Variants in PER2 observed in about 807,000 individuals in gnomAD.
The protein encoded by PER2 is period circadian regulator 2.
Under a neutral mutation model 121.0 loss-of-function variants are expected in PER2, and 66 were observed. The observed-to-expected ratio is 0.55, with a 90% CI of 0.45 to 0.67. The LOEUF (loss-of-function observed/expected upper bound fraction) is 0.67, where lower values mean the gene tolerates loss of function less well. PER2 is among the 30% of genes least tolerant of loss of function. The pLI is 0.00. For missense variants in PER2, 1,521 were observed against 1,635.0 expected (o/e 0.93, Z 1.20); for synonymous variants, 684 against 659.9 (o/e 1.04, Z -0.56).
In PER2 at chr2:238,268,159, G is replaced by A. The variant is rs199917831; in HGVS notation, c.864C>T (p.Pro288=). 7.3e-5 allele frequency: 118 copies of A among 1,614,098 alleles called. 1 individual carries two copies. In the East Asian group the frequency reaches 2.6e-3, roughly 36 times the overall value. Residue 288 remains proline (P), a synonymous_variant, in exon 8 of 23, where the codon CCC becomes CCT. Coordinates refer to ENST00000254657, the MANE Select transcript of PER2 (RefSeq NM_022817.3). The surrounding 1 kb of genome is among the most constrained non-coding windows in gnomAD (Gnocchi z 4.0). The part of the protein sequence containing the change: ...KSHENEIRYH[P]FRMTPYLVKV... The stretch of plus-strand genomic sequence containing the variant: ...TGACCAGGTAGGGCGTCATGCGGAA[G>A]GGGTGGTAGCGGATTTCATTCTCGT...
intron 8 of PER2, 139 bp from the exon 9 acceptor site, chr2:238,265,729 AAC>A: frequency 1.5e-6 from 1 of 656,372 alleles, no homozygotes; most frequent in Non-Finnish European, 2.8e-6. Context: ...GACTCTGAAC[AAC>A]AGAGACTGCC....
At chr2:238,278,660 T>G (rs1457363920) in intron 1 of PER2, among the ~76,000 whole-genome samples, 2 of 152,174 alleles carry the variant, frequency 1.3e-5, no homozygotes, top group Non-Finnish European at 2.9e-5. Context: ...TCAGAAATCT[T>G]GGCCATTACA....
At chr2:238,284,582 C>T (rs1450040934) in intron 1 of PER2, among the ~76,000 whole-genome samples, 1 of 152,172 alleles carries the variant, frequency 6.6e-6, no homozygotes, top group Non-Finnish European at 1.5e-5. Flanking sequence ...GAACTCAGTG[C>T]CACCTCCAGC....
In PER2 at chr2:238,258,294, G is replaced by A. The variant is rs141715748; in HGVS notation, c.1882C>T (p.Pro628Ser). 2 of 1,614,070 alleles carry A rather than the reference G, an allele frequency of 1.2e-6. No individual in the cohort carries two copies. The highest frequency in any genetic ancestry group is 1.7e-6 in the Non-Finnish European group (2 of 1,180,028). The change falls in exon 16 of 23, where the codon CCA becomes TCA. Residue 628 changes from proline (P) to serine (S), a missense_variant. Coordinates refer to ENST00000254657, the MANE Select transcript of PER2 (RefSeq NM_022817.3). ...TAGATACCTCCAGCGTGTGGCCCTG[G>A]GCTGACTGTGGCCTTCCGCTTATCA... is the stretch of plus-strand genomic sequence containing the variant. ...SSDKRKATVS[P>S]GPHAGEAEPP...
intron 14 of PER2, 32 bp from the exon 15 acceptor site, chr2:238,258,676 A>G: frequency 6.2e-7 from 1 of 1,610,262 alleles, no homozygotes; most frequent in Non-Finnish European, 8.5e-7. Flanking sequence ...TCTTTCATTC[A>G]TTTTTCTCCC....
intron 4 of PER2, among the ~76,000 whole-genome samples, chr2:238,273,481 A>T (rs1393846350): frequency 6.7e-6 from 1 of 150,360 alleles, no homozygotes; most frequent in Non-Finnish European, 1.5e-5. Flanking sequence ...GCTGCCTCTC[A>T]TGTTCTCCAG....
chr2:238,264,355 C>T (rs562789342), intron 9 of PER2, among the ~76,000 whole-genome samples: 5 of 152,224 alleles, frequency 3.3e-5, no homozygotes, highest in Non-Finnish European at 7.3e-5. Context: ...CCCAGGCAGC[C>T]CCGCGGACAC....
At chr2:238,257,108 C>A (rs758543645) in intron 16 of PER2, 22 bp from the exon 17 acceptor site, 1 of 1,606,924 alleles carries the variant, frequency 6.2e-7, no homozygotes, top group Non-Finnish European at 8.5e-7. Flanking sequence ...GAAGGGGGAA[C>A]AAACATTAGT....
intron 8 of PER2, 78 bp from the exon 9 acceptor site, chr2:238,265,668 C>T (rs748610615): frequency 5.0e-5 from 45 of 898,430 alleles, no homozygotes; most frequent in Non-Finnish European, 7.7e-5. Flanking sequence ...TACCAGAAAA[C>T]ACCCTGTAGA....
At chr2:238,294,609 A>C (rs1697013035), upstream of PER2, among the ~76,000 whole-genome samples, 1 of 152,198 alleles carries the variant, frequency 6.6e-6, no homozygotes, top group African/African-American at 2.4e-5. Context: ...ATGCGCCTGC[A>C]TTCCATTGTC....
intron 22 of PER2, 135 bp from the exon 23 acceptor site, chr2:238,246,659 G>A (rs1199653696): frequency 1.4e-5 from 8 of 577,952 alleles, no homozygotes; most frequent in African/African-American, 9.4e-5. Context: ...GGCAGATCAC[G>A]ACGTCAGGAG....
At chr2:238,269,733 C>T (rs1020752882) in intron 6 of PER2, among the ~76,000 whole-genome samples, 5 of 152,252 alleles carry the variant, frequency 3.3e-5, no homozygotes, top group Admixed American at 1.3e-4. Context: ...CTGCTGCAAA[C>T]ACACCAACTA....
At chr2:238,265,696 C>A in intron 8 of PER2, 106 bp from the exon 9 acceptor site, 1 of 752,462 alleles carries the variant, frequency 1.3e-6, no homozygotes, top group Non-Finnish European at 2.4e-6. Flanking sequence ...TAATGAGCAG[C>A]TAAAGAAAAA....
At chr2:238,259,314 G>C (rs2106374621) in intron 14 of PER2, among the ~76,000 whole-genome samples, 1 of 152,358 alleles carries the variant, frequency 6.6e-6, no homozygotes, top group East Asian at 1.9e-4. Flanking sequence ...GAGGGGACTG[G>C]GATGCATGCA....
At chr2:238,271,705 G>A (rs904732329) in intron 5 of PER2, among the ~76,000 whole-genome samples, 192 bp from the exon 6 acceptor site, 4 of 152,062 alleles carry the variant, frequency 2.6e-5, no homozygotes, top group Admixed American at 2.6e-4. Context: ...CGCCATCTTG[G>A]ACAAGCCCCT....
At chr2:238,267,871 C>T (rs981390633) in intron 8 of PER2, among the ~76,000 whole-genome samples, 185 bp downstream of exon 8, 2 of 152,062 alleles carry the variant, frequency 1.3e-5, no homozygotes, top group Admixed American at 1.3e-4. Flanking sequence ...TGGGCAGGGC[C>T]GGATGACAAG....
Position 238,260,857 on chromosome 2 carries a change from C to G in PER2, c.1513G>C (p.Gly505Arg). ...MSQTSSSDSN[G>R]HEDSRRRRAE... The stretch of plus-strand genomic sequence containing the variant: ...CTCCTCCGGCGTGAGTCCTCATGGC[C>G]GTTGCTGTCGCTGGAGGAGGTCTGG... Residue 505 changes from glycine to arginine, a missense_variant, in exon 13 of 23, where the codon GGC becomes CGC. Coordinates refer to ENST00000254657, the MANE Select transcript of PER2 (RefSeq NM_022817.3). The G allele has an allele frequency of 6.2e-7, 1 of 1,614,084 alleles. No individual in the cohort carries two copies. The highest frequency in any genetic ancestry group is 8.5e-7 in the Non-Finnish European group (1 of 1,180,032).
chr2:238,262,353 GC>G lies in PER2; in HGVS notation c.1154-10del. ...CCCGCCTGACTGCAGGACTAGGAGA[GC>G]AAAAGCCAGCATTCAGGGGAAAAGG... On this transcript the variant is annotated splice_polypyrimidine_tract_variant and intron_variant, in intron 10 of 22. Transcript: ENST00000254657. The G allele has an allele frequency of 6.2e-7, 1 of 1,613,846 alleles. No individual in the cohort carries two copies. The highest frequency in any genetic ancestry group is 1.3e-5 in the African/African-American group (1 of 75,022).
Position 238,251,738 on chromosome 2 carries a change from CTG to C in PER2, c.3133_3134del (p.Gln1045GlufsTer3), listed in dbSNP as rs1559322322. The C allele has an allele frequency of 1.2e-6, 2 of 1,601,808 alleles. No homozygotes were observed. The highest frequency in any genetic ancestry group is 8.5e-7 in the Non-Finnish European group (1 of 1,173,182). On this transcript the variant is annotated frameshift_variant, in exon 20 of 23. Coordinates refer to ENST00000254657, the MANE Select transcript of PER2 (RefSeq NM_022817.3). LOFTEE classifies it high-confidence loss of function. ...PLTRDEPSDT[Q>X]NSDALSTSSG... Reference sequence around the variant, plus strand: ...TTGACGTGGAAAGGGCGTCACTGTTCTGTGTGTCTGAGGGTTCATCACGCTTT... The same window carrying C: ...TTGACGTGGAAAGGGCGTCACTGTTCTGTGTCTGAGGGTTCATCACGCTTT...
Sources: allele counts gnomAD v4.1 joint callset (sites outside exome capture counted in the v4.1 genomes callset), GRCh38; gene constraint gnomAD v4.1.1; non-coding constraint Gnocchi (gnomAD v3.1); transcripts MANE v1.5; gene names NCBI Gene and HGNC (gene_info 2026-07-23, HGNC 2026-07-21).